NSUN2: variants seen among roughly 807,000 people sequenced by gnomAD.
NSUN2 encodes NOP2/Sun RNA methyltransferase 2.
In NSUN2, 63 loss-of-function variants were observed where a neutral mutation model predicts 92.7. That is an observed-to-expected ratio of 0.68 (90% confidence interval 0.56 to 0.84). The LOEUF is 0.84. NSUN2 is among the 40% of genes least tolerant of loss of function. NSUN2 has a pLI of 0.00. For missense variants in NSUN2, 989 were observed against 964.9 expected (o/e 1.02, Z -0.33); for synonymous variants, 356 against 348.3 (o/e 1.02, Z -0.25).
In NSUN2 at chr5:6,618,101, G is replaced by C; in HGVS notation, c.816-77C>G. 3.3e-6 allele frequency: 3 copies of C among 900,438 alleles called. No homozygotes were observed. In the South Asian group the frequency reaches 4.4e-5, roughly 13 times the overall value. 55.8% of individuals were successfully genotyped at this position (900,438 alleles called of 1,614,324 possible). On this transcript the variant is annotated intron_variant, in intron 7 of 18. Transcript: ENST00000264670. The stretch of plus-strand genomic sequence containing the variant: ...ACTTTAACAGATATGTCACATACAA[G>C]CTAAGTTACAAAACAAGTGTTACAA...
intron 17 of NSUN2, 138 bp from the exon 18 acceptor site, chr5:6,602,638 G>A: frequency 1.2e-6 from 1 of 853,960 alleles, no homozygotes. Flanking sequence ...TGGCTTCAAG[G>A]ATCTAGATGG....
intron 11 of NSUN2, 28 bp downstream of exon 11, chr5:6,610,927 C>G: frequency 6.2e-7 from 1 of 1,613,214 alleles, no homozygotes; most frequent in Non-Finnish European, 8.5e-7. Context: ...TTCCCCCCTC[C>G]CCACACCTGG....
intron 9 of NSUN2, among the ~76,000 whole-genome samples, chr5:6,612,929 A>G (rs1579364507): frequency 6.6e-6 from 1 of 151,990 alleles, no homozygotes; most frequent in South Asian, 2.1e-4. Flanking sequence ...GGGAACGCAC[A>G]CCCCCTCCAG....
At chr5:6,631,178 A>G (rs1048909713) in intron 3 of NSUN2, among the ~76,000 whole-genome samples, 6 of 152,234 alleles carry the variant, frequency 3.9e-5, no homozygotes, top group African/African-American at 9.6e-5. Context: ...CTCAAAGTTA[A>G]TAATAACGAC....
At chr5:6,605,440 A>C in intron 14 of NSUN2, 32 bp from the exon 15 acceptor site, 1 of 1,609,346 alleles carries the variant, frequency 6.2e-7, no homozygotes, top group Non-Finnish European at 8.5e-7. Context: ...TTTATCCACA[A>C]TGAGTTCAAA....
At position 6,632,975 on chromosome 5, in the gene NSUN2, C is replaced by G; in HGVS notation, c.5G>C (p.Gly2Ala). The G allele has an allele frequency of 1.4e-6, 2 of 1,472,928 alleles. No individual in the cohort carries two copies. Among genetic ancestry groups the G allele is most frequent in the African/African-American group, 2.9e-5 (2 of 68,006 alleles). 91.2% of individuals were successfully genotyped at this position (1,472,928 alleles called of 1,614,324 possible). M[G>A]RRSRGRRLQQ... ...GAGCCGCCGACCCCGCGACCGCCGC[C>G]CCATAGCCCACGCGGCCGCGCACGC... Residue 2 changes from glycine to alanine, a missense_variant, in exon 1 of 19, where the codon GGG becomes GCG. Around this residue, in one of 3 missense-constraint regions of NSUN2, gnomAD observed 356 missense variants for 338.6 expected, o/e 1.05. Coordinates refer to ENST00000264670, the MANE Select transcript of NSUN2 (RefSeq NM_017755.6).
rs750089756 is a variant in NSUN2, at chr5:6,605,342, C to T, written c.1668G>A (p.Lys556=). 8 of 1,614,232 alleles carry T rather than the reference C, an allele frequency of 5.0e-6. No homozygotes were observed. Among genetic ancestry groups the T allele is most frequent in the Admixed American group, 1.7e-5 (1 of 60,028 alleles). The change falls in exon 15 of 19, where the codon AAG becomes AAA. Residue 556 remains lysine, a synonymous_variant. Coordinates refer to ENST00000264670, the MANE Select transcript of NSUN2 (RefSeq NM_017755.6). Reference sequence around the variant, plus strand: ...TAGAAACCATGTAGAGCTGCCTTTTCTTCCCTTCTGTAGTCCGAGTTAACA... The same window carrying T: ...TAGAAACCATGTAGAGCTGCCTTTTTTTCCCTTCTGTAGTCCGAGTTAACA... ...MNLLTRTTEG[K]KRQLYMVSKE...
At chr5:6,616,086 T>A (rs1737197126) in intron 9 of NSUN2, among the ~76,000 whole-genome samples, 2 of 152,184 alleles carry the variant, frequency 1.3e-5, no homozygotes, top group Admixed American at 6.5e-5. Flanking sequence ...AAAAGCATGG[T>A]GGGGTCCCCC....
chr5:6,607,168 G>A (rs767706698), intron 13 of NSUN2, 32 bp downstream of exon 13: 47 of 1,603,356 alleles, frequency 2.9e-5, no homozygotes, highest in Admixed American at 1.5e-4. Context: ...AGACACCAGC[G>A]TATTAGATCA....
chr5:6,610,617 G>T (rs1035920509), intron 11 of NSUN2, among the ~76,000 whole-genome samples: 1 of 151,156 alleles, frequency 6.6e-6, no homozygotes, highest in Admixed American at 6.6e-5. Flanking sequence ...CCAGGAGGCA[G>T]AGGTTGCAGT....
intron 9 of NSUN2, among the ~76,000 whole-genome samples, chr5:6,613,608 T>C (rs2126486229): frequency 6.6e-6 from 1 of 152,356 alleles, no homozygotes. Flanking sequence ...CTGCATGCCA[T>C]AGTCTAACAC....
chr5:6,609,109 G>C (rs1389578826), intron 12 of NSUN2, among the ~76,000 whole-genome samples: 1 of 152,166 alleles, frequency 6.6e-6, no homozygotes, highest in African/African-American at 2.4e-5. Context: ...TTCCTCCAAA[G>C]CTAAGCGTTT....
chr5:6,620,469 T>A (rs1737390909), intron 6 of NSUN2, 171 bp from the exon 7 acceptor site: 1 of 446,876 alleles, frequency 2.2e-6, no homozygotes, highest in African/African-American at 2.0e-5. Flanking sequence ...AGGAACCAGG[T>A]GGCTCTGGAT....
intron 12 of NSUN2, 91 bp from the exon 13 acceptor site, chr5:6,607,475 T>A: frequency 8.9e-7 from 1 of 1,118,202 alleles, no homozygotes; most frequent in South Asian, 1.6e-5. Flanking sequence ...ACAAAATCCA[T>A]CAGTTATATT....
At chr5:6,609,531 C>T (rs1390422665) in intron 12 of NSUN2, among the ~76,000 whole-genome samples, 2 of 152,152 alleles carry the variant, frequency 1.3e-5, no homozygotes, top group Admixed American at 6.5e-5. Context: ...CAATTGAGAG[C>T]CACAGAGCAA....
At chr5:6,605,214 C>T (rs1472896195) in intron 15 of NSUN2, 59 bp downstream of exon 15, 1 of 1,596,554 alleles carries the variant, frequency 6.3e-7, no homozygotes, top group Non-Finnish European at 8.5e-7. Flanking sequence ...ATCTAAGCCG[C>T]TGTGAAAAGC....
chr5:6,626,872 T>C (rs1412170276), intron 3 of NSUN2, among the ~76,000 whole-genome samples: 1 of 152,144 alleles, frequency 6.6e-6, no homozygotes, highest in African/African-American at 2.4e-5. Flanking sequence ...ATGCGTCAAA[T>C]TGTAGCTAGA....
chr5:6,617,859 CTAAT>C (rs954789590), intron 8 of NSUN2, 87 bp downstream of exon 8: 13 of 957,728 alleles, frequency 1.4e-5, no homozygotes, highest in Middle Eastern at 2.1e-4. Flanking sequence ...TTACAGCTCT[CTAAT>C]TAAAGATCGG....
Position 6,604,688 on chromosome 5 carries a change from G to A in NSUN2, c.1738-3C>T, listed in dbSNP as rs984461542. 3 of 1,611,442 alleles carry A rather than the reference G, an allele frequency of 1.9e-6. No individual in the cohort carries two copies. Among genetic ancestry groups the A allele is most frequent in the Non-Finnish European group, 1.7e-6 (2 of 1,177,792 alleles). On this transcript the variant is annotated splice_region_variant and splice_polypyrimidine_tract_variant and intron_variant, in intron 15 of 18. Coordinates refer to ENST00000264670, the MANE Select transcript of NSUN2 (RefSeq NM_017755.6). ...ACTTTGATCCCCGTGTTAATAACCT[G>A]TAAGTAAAAAAATAAGATGAAACAC...
Sources: allele counts gnomAD v4.1 joint callset (sites outside exome capture counted in the v4.1 genomes callset), GRCh38; gene constraint gnomAD v4.1.1; regional missense constraint gnomAD v4.1.1; transcripts MANE v1.5; gene names NCBI Gene and HGNC (gene_info 2026-07-23, HGNC 2026-07-21).